The following THADA variants were observed in gnomAD, a reference collection of about 807,000 sequenced individuals.
THADA encodes THADA armadillo repeat containing.
A neutral mutation model predicts 219.8 loss-of-function variants in THADA; 213 were observed. That is an observed-to-expected ratio of 0.97 (90% CI 0.87 to 1.09). The LOEUF is 1.09. Ranked by LOEUF, THADA falls within the 50% of genes least tolerant of loss-of-function variation. The probability of loss-of-function intolerance (pLI) is 0.00; values close to 1 mark genes in which losing one functional copy is unlikely to be tolerated. For synonymous variants in THADA, 1,018 were observed against 828.9 expected (o/e 1.23, Z -3.92); for missense variants, 2,956 against 2,311.3 (o/e 1.28, Z -5.72).
intron 31 of THADA, among the ~76,000 whole-genome samples, chr2:43,306,410 G>C (rs1156966772): frequency 6.6e-6 from 1 of 152,150 alleles, no homozygotes; most frequent in Non-Finnish European, 1.5e-5. Context: ...AACTCACAAA[G>C]GACCTGGGGC....
intron 26 of THADA, among the ~76,000 whole-genome samples, chr2:43,475,415 C>G (rs1010291859): frequency 7.8e-5 from 11 of 141,776 alleles, no homozygotes; most frequent in Admixed American, 3.5e-4. Context: ...AGAGCTAGGC[C>G]CTGTCTTAAA....
intron 10 of THADA, among the ~76,000 whole-genome samples, chr2:43,575,806 G>T (rs1304311732): frequency 6.6e-6 from 1 of 152,112 alleles, no homozygotes; most frequent in Non-Finnish European, 1.5e-5. Flanking sequence ...GCAAGCCTGG[G>T]ATTACAGGCT....
chr2:43,485,199 T>A (rs765936889), intron 26 of THADA, 35 bp downstream of exon 26: 23 of 1,535,924 alleles, frequency 1.5e-5, no homozygotes, highest in Non-Finnish European at 2.1e-5. Context: ...TTGTATTTTT[T>A]AAAAAAAGTA....
At chr2:43,526,038 T>C (rs181466815) in intron 22 of THADA, among the ~76,000 whole-genome samples, 1 of 152,310 alleles carries the variant, frequency 6.6e-6, no homozygotes, top group East Asian at 1.9e-4. Context: ...TTTAAATTTG[T>C]AGGAAATTCT....
chr2:43,328,523 T>C (rs1352030961), intron 30 of THADA, among the ~76,000 whole-genome samples: 1 of 152,222 alleles, frequency 6.6e-6, no homozygotes, highest in Non-Finnish European at 1.5e-5. Flanking sequence ...CCTGCTCTGG[T>C]GGTGGACCAA....
intron 31 of THADA, among the ~76,000 whole-genome samples, chr2:43,316,734 C>T (rs1175226429): frequency 6.6e-6 from 1 of 152,098 alleles, no homozygotes; most frequent in South Asian, 2.1e-4. Context: ...TCGAGACCAG[C>T]CTGACGAACA....
At chr2:43,251,449 G>C (rs1669797965) in intron 36 of THADA, among the ~76,000 whole-genome samples, 1 of 152,236 alleles carries the variant, frequency 6.6e-6, no homozygotes. Flanking sequence ...CTGGTGTCCT[G>C]TTTCCTCTCC....
chr2:43,380,456 T>A (rs1207974631), intron 29 of THADA, among the ~76,000 whole-genome samples: 1 of 152,196 alleles, frequency 6.6e-6, no homozygotes, highest in African/African-American at 2.4e-5. Context: ...GGACAAAGTT[T>A]ACAGATATGC....
intron 26 of THADA, chr2:43,484,303 G>C (rs929586806): frequency 7.1e-5 from 12 of 168,044 alleles, no homozygotes; most frequent in African/African-American, 2.9e-4. Flanking sequence ...TAATTCCTAA[G>C]ATTTAGTTCC....
intron 29 of THADA, among the ~76,000 whole-genome samples, chr2:43,384,974 C>T (rs1455408371): frequency 6.6e-6 from 1 of 151,994 alleles, no homozygotes; most frequent in East Asian, 1.9e-4. Flanking sequence ...AACACCATCT[C>T]TACTAAAAAT....
chr2:43,526,675 TGCTGTATACA>T (rs1479816520), intron 22 of THADA, among the ~76,000 whole-genome samples: 1 of 152,198 alleles, frequency 6.6e-6, no homozygotes. Context: ...AGATGCTGGG[TGCTGTATACA>T]GCCAGTGTTG....
In THADA at chr2:43,586,391, T is replaced by C. The variant is rs755498733; in HGVS notation, c.533+10A>G. 22 of 1,577,728 alleles carry C rather than the reference T, an allele frequency of 1.4e-5. No homozygotes were observed. Among genetic ancestry groups the C allele is most frequent in the East Asian group, 2.3e-5 (1 of 44,086 alleles). On this transcript the variant is annotated intron_variant, in intron 7 of 37. Coordinates refer to ENST00000405975, the MANE Select transcript of THADA (RefSeq NM_022065.5). ...GTGTGCACACACAAATGCCAACATA[T>C]AGCACTTGCCTATTTTCTTCCAGGA...
At chr2:43,553,743 T>C (rs1697020910) in intron 17 of THADA, among the ~76,000 whole-genome samples, 1 of 152,180 alleles carries the variant, frequency 6.6e-6, no homozygotes, top group Non-Finnish European at 1.5e-5. Context: ...CAACAGTCTA[T>C]GCGGGTTCCA....
chr2:43,372,451 T>G (rs544157138), intron 29 of THADA, among the ~76,000 whole-genome samples: 115 of 152,324 alleles, frequency 7.5e-4, no homozygotes, highest in African/African-American at 2.7e-3. Flanking sequence ...TTCTTCTTTA[T>G]TCTAGAAAAA....
intron 24 of THADA, among the ~76,000 whole-genome samples, chr2:43,503,677 A>G (rs190032149): frequency 7.9e-5 from 12 of 152,330 alleles, no homozygotes; most frequent in Admixed American, 3.3e-4. Flanking sequence ...TCAAAGATAC[A>G]TAATAAAAAT....
chr2:43,387,087 C>G (rs201514386), intron 29 of THADA, among the ~76,000 whole-genome samples: 1 of 152,120 alleles, frequency 6.6e-6, no homozygotes, highest in East Asian at 1.9e-4. Context: ...AGAGAAGATT[C>G]ATTCACACAG....
chr2:43,506,162 T>C (rs1442294637), intron 23 of THADA, among the ~76,000 whole-genome samples: 3 of 152,222 alleles, frequency 2.0e-5, no homozygotes, highest in Non-Finnish European at 1.5e-5. Context: ...CTTGTAAGAA[T>C]GTTAAGCCTC....
intron 30 of THADA, among the ~76,000 whole-genome samples, chr2:43,336,311 G>A (rs576924368): frequency 2.0e-5 from 3 of 151,682 alleles, no homozygotes; most frequent in East Asian, 2.0e-4. Context: ...TCACTCTGTC[G>A]CTCAGGCTGG....
At chr2:43,410,587 T>C (rs146787525) in intron 28 of THADA, among the ~76,000 whole-genome samples, 40 of 152,352 alleles carry the variant, frequency 2.6e-4, no homozygotes, top group African/African-American at 8.7e-4. Flanking sequence ...CCTAACAACA[T>C]GGCTGAATCT....
Sources: gnomAD v4.1 joint callset for allele counts (sites outside exome capture counted in the v4.1 genomes callset) on GRCh38, gnomAD v4.1.1 for gene constraint, MANE v1.5 for transcripts, NCBI Gene and HGNC (gene_info 2026-07-23, HGNC 2026-07-21) for gene names.